Variants in GMPS observed in about 807,000 individuals in gnomAD.
GMPS encodes guanosine monophosphate synthase.
A neutral mutation model predicts 77.9 loss-of-function variants in GMPS; 15 were observed. That is an observed-to-expected ratio of 0.19 (90% CI 0.13 to 0.30). The LOEUF (loss-of-function observed/expected upper bound fraction) is 0.30, where lower values mean the gene tolerates loss of function less well. GMPS is among the 10% of genes least tolerant of loss of function. The pLI is 1.00. For missense variants in GMPS, 590 were observed against 838.8 expected (o/e 0.70, Z 3.66); for synonymous variants, 224 against 275.9 (o/e 0.81, Z 1.86).
intron 1 of GMPS, among the ~76,000 whole-genome samples, chr3:155,891,901 TG>T (rs1393035774): frequency 1.3e-5 from 2 of 152,124 alleles, no homozygotes; most frequent in African/African-American, 4.8e-5. Context: ...CCACCATGCC[TG>T]AACGCTTGTT....
chr3:155,899,444 T>C (rs112643193), intron 3 of GMPS, among the ~76,000 whole-genome samples: 298 of 151,436 alleles, frequency 2.0e-3, no homozygotes, highest in Non-Finnish European at 2.5e-3. Context: ...TTTTTTTTTT[T>C]CAATTACTTT....
At position 155,879,730 on chromosome 3, in the gene GMPS, C is replaced by CTTTTTTTTT. The variant is rs58045835; in HGVS notation, c.27+8843_27+8851dup. Among the ~76,000 whole-genome samples, 23 of 107,630 alleles carry CTTTTTTTTT rather than the reference C, an allele frequency of 2.1e-4. 1 individual carries two copies. The highest frequency in any genetic ancestry group is 1.1e-3 in the East Asian group (4 of 3,538). 70.6% of individuals were successfully genotyped at this position (107,630 alleles called of 152,430 possible). A position where few individuals can be genotyped will look rare whatever the true frequency, so the allele number is the denominator to read the frequency against. ...AATGTCTGTTCAGGTCTTTTTTGCC[C>CTTTTTTTTT]TTTTTTTTTTTTTTTTTTGAGGCGG... On this transcript the variant is annotated intron_variant, in intron 1 of 15. Transcript: ENST00000496455.
Position 155,919,352 on chromosome 3 carries a change from C to G in GMPS, c.1318+14C>G, listed in dbSNP as rs1370727376. The G allele has an allele frequency of 7.4e-7, 1 of 1,354,070 alleles. No individual in the cohort carries two copies. Among genetic ancestry groups the G allele is most frequent in the South Asian group, 1.2e-5 (1 of 80,824 alleles). 83.9% of individuals were successfully genotyped at this position (1,354,070 alleles called of 1,614,324 possible). On this transcript the variant is annotated intron_variant, in intron 10 of 15. Coordinates refer to ENST00000496455, the MANE Select transcript of GMPS (RefSeq NM_003875.3). Reference sequence around the variant, plus strand: ...ATCCATTTCCAGGTAAAAATTAGAACTGAATTTTGTTTGATTCATCTTTAG... The same window carrying G: ...ATCCATTTCCAGGTAAAAATTAGAAGTGAATTTTGTTTGATTCATCTTTAG...
chr3:155,911,714 C>T (rs1401849398), intron 7 of GMPS, among the ~76,000 whole-genome samples: 2 of 151,674 alleles, frequency 1.3e-5, no homozygotes, highest in Admixed American at 6.6e-5. Flanking sequence ...TGGTGGGCGC[C>T]TGTGATCCCA....
At chr3:155,871,776 C>T (rs1753912430) in intron 1 of GMPS, among the ~76,000 whole-genome samples, 1 of 152,232 alleles carries the variant, frequency 6.6e-6, no homozygotes, top group African/African-American at 2.4e-5. Flanking sequence ...GAAAAGTTGC[C>T]GCCTTGACGT....
intron 13 of GMPS, among the ~76,000 whole-genome samples, chr3:155,933,583 A>G (rs910461009): frequency 2.2e-4 from 33 of 152,364 alleles, no homozygotes; most frequent in African/African-American, 7.7e-4. Context: ...GGAAGGAGAC[A>G]ATAAAGTAGT....
chr3:155,928,020 T>C (rs552390684), intron 12 of GMPS, among the ~76,000 whole-genome samples: 1 of 25,590 alleles, frequency 3.9e-5, no homozygotes, highest in African/African-American at 1.6e-4. Flanking sequence ...CATTTTACAC[T>C]TTTTTTTTTT....
At chr3:155,870,954 G>T in intron 1 of GMPS, 57 bp downstream of exon 1, 1 of 1,392,922 alleles carries the variant, frequency 7.2e-7, no homozygotes. Flanking sequence ...CTCCCGGACC[G>T]GGGAGCCACC....
intron 12 of GMPS, among the ~76,000 whole-genome samples, chr3:155,930,202 G>A (rs1357940714): frequency 2.7e-5 from 4 of 147,382 alleles, no homozygotes; most frequent in Admixed American, 6.8e-5. Context: ...CAGAAATAAC[G>A]CCACATACCT....
At chr3:155,903,332 T>C (rs1263210564) in intron 3 of GMPS, among the ~76,000 whole-genome samples, 1 of 152,206 alleles carries the variant, frequency 6.6e-6, no homozygotes, top group Non-Finnish European at 1.5e-5. Flanking sequence ...CTTGAACAGA[T>C]GAGCTTAACT....
At chr3:155,912,568 G>A (rs572131316) in intron 7 of GMPS, among the ~76,000 whole-genome samples, 1 of 152,360 alleles carries the variant, frequency 6.6e-6, no homozygotes, top group South Asian at 2.1e-4. Context: ...AGCTGGGGAT[G>A]TGCTTAGTAT....
Position 155,912,312 on chromosome 3 carries a change from A to G in GMPS, c.886+1033A>G, listed in dbSNP as rs183975764. On this transcript the variant is annotated intron_variant, in intron 7 of 15. Coordinates refer to ENST00000496455, the MANE Select transcript of GMPS (RefSeq NM_003875.3). ...AGATGACAGAAGACAGATGGTTTCA[A>G]TAAAGTGTTGGAAAGTGGAAAGCAG... is the stretch of plus-strand genomic sequence containing the variant. 7.2e-4 allele frequency among the ~76,000 whole-genome samples: 110 copies of G among 152,350 alleles called. 1 individual carries two copies. The highest frequency in any genetic ancestry group is 2.6e-3 in the African/African-American group (107 of 41,590).
intron 1 of GMPS, among the ~76,000 whole-genome samples, chr3:155,884,684 C>A (rs1217094547): frequency 7.9e-5 from 12 of 152,164 alleles, no homozygotes; most frequent in Admixed American, 7.9e-4. Context: ...GTTCTATTTT[C>A]TTACCCCTAG....
chr3:155,939,206 A>G lies in GMPS; in HGVS notation c.*1514A>G, dbSNP rs544663190. ...ACTTAAAGGGTACATTCTCTATCTG[A>G]TGAGGAGGTACTCATTATGGCCTTC... On this transcript the variant is annotated 3_prime_UTR_variant, in exon 16 of 16. Transcript: ENST00000496455. 6.8e-4 allele frequency: 149 copies of G among 220,684 alleles called. 1 individual carries two copies. Among genetic ancestry groups the G allele is most frequent in the African/African-American group, 3.2e-3 (141 of 44,720 alleles). 13.7% of individuals were successfully genotyped at this position (220,684 alleles called of 1,614,324 possible).
Position 155,891,859 on chromosome 3 carries a change from G to A in GMPS, c.28-1659G>A, listed in dbSNP as rs112198221. ...GACCTCAGGTGATCCACCTGCCTCGGCCTCCCAAAGTGCTGCGATTACAGC... is the reference window on the plus strand; with the variant it reads ...GACCTCAGGTGATCCACCTGCCTCGACCTCCCAAAGTGCTGCGATTACAGC... On this transcript the variant is annotated intron_variant, in intron 1 of 15. Coordinates refer to ENST00000496455, the MANE Select transcript of GMPS (RefSeq NM_003875.3). 8.6e-3 allele frequency among the ~76,000 whole-genome samples: 1,308 copies of A among 152,196 alleles called. 24 individuals are homozygous for A. The highest frequency in any genetic ancestry group is 0.03 in the African/African-American group (1,263 of 41,512).
Position 155,934,938 on chromosome 3 carries a change from C to T in GMPS, c.1699C>T (p.Pro567Ser), listed in dbSNP as rs201549748. ...VNRVVYIFGP[P>S]VKEPPTDVTP... ...CAGAGTTGTTTATATATTTGGCCCACCAGTTAAAGAACCTCCTACAGATGT... is the reference window on the plus strand; with the variant it reads ...CAGAGTTGTTTATATATTTGGCCCATCAGTTAAAGAACCTCCTACAGATGT... Residue 567 changes from proline (P) to serine (S), a missense_variant, in exon 14 of 16, where the codon CCA becomes TCA. By Grantham distance (74) the Pro-to-Ser change is moderately conservative. Coordinates refer to ENST00000496455, the MANE Select transcript of GMPS (RefSeq NM_003875.3). 1 of 1,584,362 alleles carries T rather than the reference C, an allele frequency of 6.3e-7. No homozygotes were observed. The highest frequency in any genetic ancestry group is 2.2e-5 in the East Asian group (1 of 44,752).
chr3:155,891,546 G>T (rs1754463180), intron 1 of GMPS, among the ~76,000 whole-genome samples: 1 of 151,214 alleles, frequency 6.6e-6, no homozygotes, highest in Non-Finnish European at 1.5e-5. Context: ...ATTTCTTCTG[G>T]CACCGGATTG....
intron 1 of GMPS, among the ~76,000 whole-genome samples, chr3:155,878,394 C>T (rs1364909399): frequency 6.6e-6 from 1 of 152,116 alleles, no homozygotes; most frequent in Non-Finnish European, 1.5e-5. Context: ...TTATATTTAT[C>T]CACTTATCAG....
chr3:155,898,539 T>C (rs1193281618), intron 3 of GMPS, among the ~76,000 whole-genome samples: 1 of 152,234 alleles, frequency 6.6e-6, no homozygotes, highest in East Asian at 1.9e-4. Flanking sequence ...GTTTGTCTCA[T>C]TAATATCCCT....
Sources: gnomAD v4.1 joint callset for allele counts (sites outside exome capture counted in the v4.1 genomes callset) on GRCh38, gnomAD v4.1.1 for gene constraint, MANE v1.5 for transcripts, NCBI Gene and HGNC (gene_info 2026-07-23, HGNC 2026-07-21) for gene names.